Variants in ITPR3 observed in about 807,000 individuals in gnomAD.
The protein encoded by ITPR3 is inositol 1,4,5-trisphosphate receptor type 3.
Under a neutral mutation model 293.2 loss-of-function variants are expected in ITPR3, and 173 were observed. The ratio of observed to expected loss-of-function variants is 0.59; its 90% CI spans 0.52 to 0.67. The LOEUF (loss-of-function observed/expected upper bound fraction) is 0.67. Among genes scored for constraint, ITPR3 ranks in the 30% least tolerant of loss-of-function variants. The pLI is 0.00. For synonymous variants in ITPR3, 1,295 were observed against 1,444.4 expected, an observed-to-expected ratio of 0.90 and a Z score of 2.35; for missense variants, 2,796 against 3,592.1, an observed-to-expected ratio of 0.78 and a Z score of 5.66.
At chr6:33,642,835 C>G (rs941367081) in intron 2 of ITPR3, among the ~76,000 whole-genome samples, 2 of 152,160 alleles carry the variant, frequency 1.3e-5, no homozygotes, top group Non-Finnish European at 2.9e-5. Flanking sequence ...TCTCCTTCCC[C>G]CTCTTCTCTG....
At chr6:33,665,422 G>A (rs1222222620) in intron 13 of ITPR3, among the ~76,000 whole-genome samples, 2 of 152,220 alleles carry the variant, frequency 1.3e-5, no homozygotes, top group Non-Finnish European at 2.9e-5. Flanking sequence ...GATGGAGCTG[G>A]TTACTGTGTT....
At position 33,684,932 on chromosome 6, in the gene ITPR3, A is replaced by C. The variant is rs1300056974; in HGVS notation, c.5296A>C (p.Thr1766Pro). 7.4e-6 allele frequency: 12 copies of C among 1,611,224 alleles called. No homozygotes were observed. Among genetic ancestry groups the C allele is most frequent in the Middle Eastern group, 1.7e-4 (1 of 6,048 alleles). Reference sequence around the variant, plus strand: ...CATCCACCTGCTGGATGGTGGCAACACAGAGATCCAGGTGTGGGGGGCCTG... The same window carrying C: ...CATCCACCTGCTGGATGGTGGCAACCCAGAGATCCAGGTGTGGGGGGCCTG... ...LAIHLLDGGNTEIQKSFHNLM... is the reference protein window; with the variant it reads ...LAIHLLDGGNPEIQKSFHNLM... Residue 1766 changes from threonine to proline, a missense_variant, in exon 39 of 58, where the codon ACA becomes CCA. By Grantham distance (38) the Thr-to-Pro change is conservative (BLOSUM62 -1). Coordinates refer to ENST00000605930, the MANE Select transcript of ITPR3 (RefSeq NM_002224.4). The surrounding 1 kb of genome is among the most constrained non-coding windows in gnomAD (Gnocchi z 4.2).
At position 33,664,754 on chromosome 6, in the gene ITPR3, G is replaced by A; in HGVS notation, c.1149-116G>A. 1.2e-6 allele frequency: 1 copy of A among 827,976 alleles called. No individual in the cohort carries two copies. The highest frequency in any genetic ancestry group is 2.0e-6 in the Non-Finnish European group (1 of 506,178). The allele number at this position is 827,976 out of a possible 1,614,324, so 51.3% of individuals were successfully genotyped here. A position where few individuals can be genotyped will look rare whatever the true frequency, so the allele number is the denominator to read the frequency against. The stretch of plus-strand genomic sequence containing the variant: ...CACCAGTGGCTCCTGTCCCACAGCT[G>A]TTGAGGGTGTGGAGTAGGGTGGCAG... On this transcript the variant is annotated intron_variant, in intron 11 of 57. Coordinates refer to ENST00000605930, the MANE Select transcript of ITPR3 (RefSeq NM_002224.4). The surrounding 1 kb of genome is among the most constrained non-coding windows in gnomAD (Gnocchi z 4.4).
chr6:33,653,963 C>A (rs559682337), intron 2 of ITPR3, among the ~76,000 whole-genome samples: 1 of 152,134 alleles, frequency 6.6e-6, no homozygotes, highest in East Asian at 1.9e-4. Context: ...AGGGCCGAGC[C>A]GAACCCATAA....
chr6:33,692,011 C>T lies in ITPR3; in HGVS notation c.7458+83C>T. The T allele has an allele frequency of 6.3e-7, 1 of 1,575,616 alleles. No individual in the cohort carries two copies. The highest frequency in any genetic ancestry group is 8.7e-7 in the Non-Finnish European group (1 of 1,152,044). On this transcript the variant is annotated intron_variant, in intron 54 of 57. Transcript: ENST00000605930. The surrounding 1 kb of genome is among the most constrained non-coding windows in gnomAD (Gnocchi z 4.2). Reference sequence around the variant, plus strand: ...AACTGTGGAGAGTCCTGTCCTTGGCCTCGCGTCAGATATTCAGGGTTGAAC... The same window carrying T: ...AACTGTGGAGAGTCCTGTCCTTGGCTTCGCGTCAGATATTCAGGGTTGAAC...
chr6:33,693,586 G>C lies in ITPR3; in HGVS notation c.7666G>C (p.Glu2556Gln), dbSNP rs753605217. The change falls in exon 56 of 58, where the codon GAG (glutamate) becomes CAG (glutamine). Residue 2556 changes from glutamate (E) to glutamine (Q), a missense_variant. By Grantham distance (29) the Glu-to-Gln change is conservative. This residue lies in a region of ITPR3 where 568 missense variants were observed against 796.1 expected (regional missense o/e 0.71). Transcript: ENST00000605930. ...GTTTGATAACAAGACAGTGTCATTT[G>C]AGGAACACATCAAGCTGGAGCACAA... ...DKFDNKTVSF[E>Q]EHIKLEHNMW... 1.2e-6 allele frequency: 2 copies of C among 1,614,080 alleles called. No individual in the cohort carries two copies. The highest frequency in any genetic ancestry group is 2.2e-5 in the South Asian group (2 of 91,078).
chr6:33,685,053 G>A (rs766738507), intron 39 of ITPR3, 110 bp downstream of exon 39: 1 of 1,273,700 alleles, frequency 7.9e-7, no homozygotes, highest in Non-Finnish European at 1.1e-6. Flanking sequence ...AAAGAGGAGA[G>A]GCCTGAGCAG....
chr6:33,673,786 T>C (rs1764833702), intron 23 of ITPR3, 66 bp downstream of exon 23: 1 of 1,568,962 alleles, frequency 6.4e-7, no homozygotes, highest in Non-Finnish European at 8.7e-7. Flanking sequence ...AGCAGTGGGG[T>C]GGAGCCAGCT....
intron 55 of ITPR3, among the ~76,000 whole-genome samples, chr6:33,693,323 G>A (rs975923277): frequency 6.6e-6 from 1 of 152,162 alleles, no homozygotes; most frequent in Non-Finnish European, 1.5e-5. Context: ...TGGAGTCCTC[G>A]GTTGCTGCTG....
chr6:33,688,931 C>T, intron 49 of ITPR3, 150 bp downstream of exon 49: 4 of 1,131,528 alleles, frequency 3.5e-6, no homozygotes, highest in Non-Finnish European at 3.8e-6. Context: ...GGGCTCTCGC[C>T]CCATCATGGA....
chr6:33,648,999 G>A (rs1237268027), intron 2 of ITPR3, among the ~76,000 whole-genome samples: 1 of 151,780 alleles, frequency 6.6e-6, no homozygotes, highest in Non-Finnish European at 1.5e-5. Flanking sequence ...TCCCAGGCAG[G>A]TTCAAGCAAT....
chr6:33,645,771 C>G (rs1319458107), intron 2 of ITPR3, among the ~76,000 whole-genome samples: 4 of 152,214 alleles, frequency 2.6e-5, no homozygotes, highest in Admixed American at 6.5e-5. Flanking sequence ...ATTTACATTT[C>G]TCTGACTACT....
intron 1 of ITPR3, among the ~76,000 whole-genome samples, chr6:33,627,713 T>C (rs139460992): frequency 0.025 from 3,851 of 152,286 alleles, 70 homozygotes; most frequent in Non-Finnish European, 0.039. Context: ...TGGAGGGGTA[T>C]AGGAACAGAA....
In ITPR3 at chr6:33,687,743, A is replaced by T. The variant is rs1172164771; in HGVS notation, c.6264+179A>T. On this transcript the variant is annotated intron_variant, in intron 46 of 57. Coordinates refer to ENST00000605930, the MANE Select transcript of ITPR3 (RefSeq NM_002224.4). The surrounding 1 kb of genome is among the most constrained non-coding windows in gnomAD (Gnocchi z 5.3). ...AGCCGTGGGTGAAACCCAGACAGAA[A>T]TGGAAGCAAGGCTCAGGTGGGTCTA... is the stretch of plus-strand genomic sequence containing the variant. Among the ~76,000 whole-genome samples the T allele has an allele frequency of 1.3e-5, 2 of 152,112 alleles. No homozygotes were observed. Among genetic ancestry groups the T allele is most frequent in the Non-Finnish European group, 2.9e-5 (2 of 68,012 alleles).
In ITPR3 at chr6:33,662,548, C is replaced by T. The variant is rs774895799; in HGVS notation, c.732C>T (p.Phe244=). The T allele has an allele frequency of 2.1e-5, 33 of 1,603,546 alleles. No individual in the cohort carries two copies. In the Admixed American group the frequency reaches 5.6e-4, roughly 27 times the overall value. The change falls in exon 8 of 58, where the codon TTC becomes TTT. Residue 244 remains phenylalanine, a synonymous_variant. Transcript: ENST00000605930. ...TGCAGGGAGACGTGGTGCGGCTGTT[C>T]CATGCGGAGCAGGAGAAGTTCCTGA... is the stretch of plus-strand genomic sequence containing the variant. ...VLKGGDVVRL[F]HAEQEKFLTC... is the part of the protein sequence containing the mutation.
intron 2 of ITPR3, among the ~76,000 whole-genome samples, chr6:33,641,589 C>T (rs1561853927): frequency 1.3e-5 from 2 of 151,986 alleles, no homozygotes; most frequent in South Asian, 4.1e-4. Flanking sequence ...TGGGAACTGC[C>T]CTGGCCCTGG....
Position 33,678,756 on chromosome 6 carries a change from G to C in ITPR3, c.3889G>C (p.Val1297Leu). 6.2e-7 allele frequency: 1 copy of C among 1,613,622 alleles called. No homozygotes were observed. Among genetic ancestry groups the C allele is most frequent in the Non-Finnish European group, 8.5e-7 (1 of 1,179,934 alleles). The part of the protein sequence containing the change: ...VHLLATHGRH[V>L]QYLDFLHTVI... Reference sequence around the variant, plus strand: ...CCTGCTGGCCACGCACGGGCGCCATGTGCAGTACCTGGACTTCCTGCACAC... The same window carrying C: ...CCTGCTGGCCACGCACGGGCGCCATCTGCAGTACCTGGACTTCCTGCACAC... The change falls in exon 30 of 58, where the codon GTG becomes CTG. Residue 1297 changes from valine (V) to leucine (L), a missense_variant. Val to Leu is a conservative substitution (Grantham distance 32). Transcript: ENST00000605930.
At chr6:33,646,179 GAC>G (rs1236516916) in intron 2 of ITPR3, among the ~76,000 whole-genome samples, 1 of 151,970 alleles carries the variant, frequency 6.6e-6, no homozygotes, top group Non-Finnish European at 1.5e-5. Flanking sequence ...ATAAAAGTAA[GAC>G]AAATACATGA....
At position 33,680,342 on chromosome 6, in the gene ITPR3, A is replaced by G. The variant is rs1375277523; in HGVS notation, c.4238A>G (p.Tyr1413Cys). 1 of 1,613,406 alleles carries G rather than the reference A, an allele frequency of 6.2e-7. No individual in the cohort carries two copies. The highest frequency in any genetic ancestry group is 8.5e-7 in the Non-Finnish European group (1 of 1,179,822). The part of the protein sequence containing the change: ...EDCITEVKMA[Y>C]VNFVNHCYVD... ...CCCACTGCCCAGGTGAAAATGGCCT[A>G]TGTGAACTTCGTGAACCACTGCTAC... The change falls in exon 32 of 58, where the codon TAT becomes TGT. Residue 1413 changes from tyrosine to cysteine, a missense_variant. By Grantham distance (194) the Tyr-to-Cys change is radical (BLOSUM62 -2). Coordinates refer to ENST00000605930, the MANE Select transcript of ITPR3 (RefSeq NM_002224.4).
Sources: gnomAD v4.1 joint callset for allele counts (sites outside exome capture counted in the v4.1 genomes callset) on GRCh38, gnomAD v4.1.1 for gene constraint, gnomAD v4.1.1 regional missense constraint, Gnocchi (gnomAD v3.1) non-coding constraint, MANE v1.5 for transcripts, NCBI Gene and HGNC (gene_info 2026-07-23, HGNC 2026-07-21) for gene names.